Variants in LMO7 observed in about 807,000 individuals in gnomAD.
LMO7 encodes LIM domain 7.
Under a neutral mutation model 206.5 loss-of-function variants are expected in LMO7, and 120 were observed. That is an observed-to-expected ratio of 0.58 (90% CI 0.50 to 0.68). The LOEUF (loss-of-function observed/expected upper bound fraction) is 0.68. Ranked by LOEUF, LMO7 falls within the 30% of genes least tolerant of loss-of-function variation. LMO7 has a pLI of 0.00. For synonymous variants in LMO7, 706 were observed against 681.5 expected (o/e 1.04, Z -0.56); for missense variants, 1,959 against 1,957.9 (o/e 1.00, Z -0.01).
rs141533439 is a variant in LMO7, at chr13:75,795,407, A to G, written c.324A>G (p.Glu108=). 70 of 1,588,400 alleles carry G rather than the reference A, an allele frequency of 4.4e-5. No homozygotes were observed. Among genetic ancestry groups the G allele is most frequent in the Non-Finnish European group, 5.7e-5 (66 of 1,161,324 alleles). ...ATATTTTCTTTCTTTACAGGCAAGA[A>G]GAGACTGACAGGAGAGTGAAAAATG... ...DLSNRVTVKQ[E]ETDRRVKNVL... The change falls in exon 5 of 31, where the codon GAA becomes GAG. Residue 108 remains glutamate (E), a synonymous_variant. Transcript: ENST00000377534.
upstream of LMO7, among the ~76,000 whole-genome samples, chr13:75,633,056 G>A (rs549798912): frequency 1.2e-4 from 18 of 151,644 alleles, no homozygotes; most frequent in African/African-American, 3.6e-4. Context: ...GTAGAGACCG[G>A]GTTTCACCAT....
intron 6 of LMO7, among the ~76,000 whole-genome samples, chr13:75,799,401 T>C (rs1027371079): frequency 1.9e-4 from 29 of 152,336 alleles, no homozygotes; most frequent in Middle Eastern, 3.4e-3. Context: ...TATCCATCCA[T>C]CTATGTTTTT....
At chr13:75,693,735 C>T (rs1373230088) in intron 1 of LMO7, among the ~76,000 whole-genome samples, 1 of 152,162 alleles carries the variant, frequency 6.6e-6, no homozygotes, top group African/African-American at 2.4e-5. Flanking sequence ...TCTGTCTGCT[C>T]AGGGACTCTT....
chr13:75,673,467 T>C (rs2039758239), intron 1 of LMO7, among the ~76,000 whole-genome samples: 1 of 152,108 alleles, frequency 6.6e-6, no homozygotes, highest in East Asian at 1.9e-4. Flanking sequence ...ACCCTTTCTC[T>C]CTTTTCCTAT....
chr13:75,623,337 T>C (rs749765803), intron 2 of LMO7: 1 of 1,324,972 alleles, frequency 7.5e-7, no homozygotes. Context: ...TTTTTCTGTA[T>C]TTTCTAAGGC....
At chr13:75,818,647 C>T (rs992451064) in intron 12 of LMO7, among the ~76,000 whole-genome samples, 14 of 152,252 alleles carry the variant, frequency 9.2e-5, no homozygotes, top group African/African-American at 3.4e-4. Flanking sequence ...TGGTTTGTTC[C>T]TGCCACGTGT....
chr13:75,762,004 A>G (rs567520360), intron 4 of LMO7, among the ~76,000 whole-genome samples: 3 of 152,238 alleles, frequency 2.0e-5, no homozygotes, highest in Non-Finnish European at 4.4e-5. Context: ...ATTTTTTCTG[A>G]AGAAAAATAA....
At chr13:75,634,346 G>C (rs1566257150), upstream of LMO7, among the ~76,000 whole-genome samples, 1 of 152,092 alleles carries the variant, frequency 6.6e-6, no homozygotes. Context: ...TCTGAGGCAA[G>C]AGGATCGCTT....
chr13:75,771,135 T>A (rs2049600010), intron 4 of LMO7, among the ~76,000 whole-genome samples: 1 of 152,012 alleles, frequency 6.6e-6, no homozygotes, highest in Admixed American at 6.6e-5. Context: ...TGATCTAAAA[T>A]TTTTTTTCTG....
intron 1 of LMO7, among the ~76,000 whole-genome samples, chr13:75,646,268 C>G (rs1488575839): frequency 6.6e-6 from 1 of 152,196 alleles, no homozygotes; most frequent in Non-Finnish European, 1.5e-5. Context: ...CAGAATCTGA[C>G]CACCTCTTGC....
chr13:75,744,479 A>G (rs1359332531), intron 3 of LMO7, among the ~76,000 whole-genome samples: 1 of 152,228 alleles, frequency 6.6e-6, no homozygotes, highest in Admixed American at 6.5e-5. Context: ...TTGTAGAGGT[A>G]AAAATAATTG....
At chr13:75,833,644 C>A (rs953642799) in intron 16 of LMO7, among the ~76,000 whole-genome samples, 3 of 152,034 alleles carry the variant, frequency 2.0e-5, no homozygotes, top group African/African-American at 7.2e-5. Flanking sequence ...CCATGTCAAG[C>A]CCAGGAACTC....
intron 27 of LMO7, 37 bp from the exon 28 acceptor site, chr13:75,853,055 T>C (rs1336327454): frequency 3.4e-6 from 5 of 1,487,960 alleles, no homozygotes; most frequent in South Asian, 1.3e-5. Flanking sequence ...TAGTTGAACA[T>C]GTCACATTAT....
At chr13:75,717,311 G>A (rs1232197141) in intron 2 of LMO7, among the ~76,000 whole-genome samples, 1 of 149,446 alleles carries the variant, frequency 6.7e-6, no homozygotes, top group African/African-American at 2.5e-5. Context: ...TGCAGTGAGT[G>A]GAGATGGTAC....
intron 9 of LMO7, chr13:75,806,172 A>T: frequency 1.0e-6 from 1 of 994,108 alleles, no homozygotes; most frequent in Non-Finnish European, 1.2e-6. Flanking sequence ...AAAGACCTTC[A>T]CTCTTGCTGG....
chr13:75,760,419 C>T, intron 3 of LMO7: 1 of 1,099,236 alleles, frequency 9.1e-7, no homozygotes, highest in Admixed American at 4.7e-5. Context: ...ACAACCAAAC[C>T]CAGATTCCAG....
At chr13:75,812,023 C>T (rs779103621) in intron 11 of LMO7, among the ~76,000 whole-genome samples, 14 of 152,044 alleles carry the variant, frequency 9.2e-5, no homozygotes, top group South Asian at 6.2e-4. Context: ...AAGCCAATTT[C>T]GGTTATTTCT....
chr13:75,805,744 G>T lies in LMO7; in HGVS notation c.1180G>T (p.Glu394Ter), dbSNP rs1476823701. The change falls in exon 9 of 31, where the codon GAA (glutamate) becomes TAA (stop). Residue 394 changes from glutamate (E) to a stop codon, truncating the protein, a stop_gained. Transcript: ENST00000377534. LOFTEE classifies it high-confidence loss of function. ...KRETYKPWYKEFQGFSQFLLL... is the reference protein window; with the variant it reads ...KRETYKPWYK ...GGAAACTTATAAGCCATGGTATAAAGAATTTCAGGGATTCAGGTTTGTCGT... is the reference window on the plus strand; with the variant it reads ...GGAAACTTATAAGCCATGGTATAAATAATTTCAGGGATTCAGGTTTGTCGT... 1.2e-6 allele frequency: 2 copies of T among 1,613,632 alleles called. No individual in the cohort carries two copies. The highest frequency in any genetic ancestry group is 2.2e-5 in the South Asian group (2 of 91,048).
chr13:75,760,731 G>A (rs1161620719), intron 3 of LMO7: 8 of 1,534,932 alleles, frequency 5.2e-6, no homozygotes, highest in South Asian at 2.4e-5. Context: ...AAGATAGCAC[G>A]ACTGTGTATG....
Sources: gnomAD v4.1 joint callset for allele counts (sites outside exome capture counted in the v4.1 genomes callset) on GRCh38, gnomAD v4.1.1 for gene constraint, MANE v1.5 for transcripts, NCBI Gene and HGNC (gene_info 2026-07-23, HGNC 2026-07-21) for gene names.